SEC24A: variants seen among roughly 807,000 people sequenced by gnomAD.
SEC24A encodes protein transport protein Sec24A.
A neutral mutation model predicts 129.4 loss-of-function variants in SEC24A; 93 were observed. The observed-to-expected ratio is 0.72, with a 90% CI of 0.61 to 0.85. The LOEUF (loss-of-function observed/expected upper bound fraction) is 0.85, where lower values mean the gene tolerates loss of function less well. SEC24A is among the 40% of genes least tolerant of loss of function. SEC24A has a pLI of 0.00. For synonymous variants in SEC24A, 460 were observed against 467.3 expected (o/e 0.98, Z 0.20); for missense variants, 1,264 against 1,307.4 (o/e 0.97, Z 0.51).
chr5:134,667,597 T>G (rs1357647753), intron 3 of SEC24A, among the ~76,000 whole-genome samples: 1 of 137,146 alleles, frequency 7.3e-6, no homozygotes, highest in Non-Finnish European at 1.5e-5. Context: ...GAGCTTGCAG[T>G]GAGCCGAGAT....
chr5:134,720,775 C>T (rs986549608), intron 20 of SEC24A, among the ~76,000 whole-genome samples: 3 of 151,996 alleles, frequency 2.0e-5, no homozygotes, highest in Admixed American at 6.6e-5. Flanking sequence ...TGGTGGCACA[C>T]GCCTGTAGTC....
chr5:134,682,396 C>T lies in SEC24A; in HGVS notation c.1405C>T (p.Pro469Ser), dbSNP rs768312511. 1.3e-6 allele frequency: 2 copies of T among 1,598,384 alleles called. No individual in the cohort carries two copies. The highest frequency in any genetic ancestry group is 2.2e-5 in the South Asian group (2 of 90,270). Residue 469 changes from proline to serine, a missense_variant, in exon 9 of 23, where the codon CCT (proline) becomes TCT (serine). Pro to Ser is a moderately conservative substitution (Grantham distance 74). Coordinates refer to ENST00000398844, the MANE Select transcript of SEC24A (RefSeq NM_021982.3). ...NDVPEEFLYNPLTRVYGEPHR... is the reference protein window; with the variant it reads ...NDVPEEFLYNSLTRVYGEPHR... ...AGTTCCTGAAGAATTCTTGTACAAC[C>T]CTTTGACCAGAGTTTATGGAGAACC... is the stretch of plus-strand genomic sequence containing the variant.
chr5:134,717,533 A>G (rs1752512284), intron 19 of SEC24A, among the ~76,000 whole-genome samples: 1 of 152,118 alleles, frequency 6.6e-6, no homozygotes, highest in Non-Finnish European at 1.5e-5. Flanking sequence ...AAGAAAAAGG[A>G]AACAAGATCA....
chr5:134,656,370 G>A (rs1307622948), intron 1 of SEC24A, among the ~76,000 whole-genome samples: 1 of 150,734 alleles, frequency 6.6e-6, no homozygotes, highest in Non-Finnish European at 1.5e-5. Flanking sequence ...GAGCCACCGC[G>A]CCCAGCGCAG....
At chr5:134,680,897 G>A (rs1751242635) in intron 8 of SEC24A, among the ~76,000 whole-genome samples, 1 of 152,040 alleles carries the variant, frequency 6.6e-6, no homozygotes, top group Non-Finnish European at 1.5e-5. Context: ...TCAGGAGTTC[G>A]AGATCAGTGT....
intron 18 of SEC24A, 76 bp downstream of exon 18, chr5:134,708,964 G>T: frequency 7.0e-7 from 1 of 1,434,654 alleles, no homozygotes; most frequent in Non-Finnish European, 9.6e-7. Context: ...CCAGCACTTT[G>T]GGTGGCTGAC....
At chr5:134,653,707 A>AT (rs1474841347) in intron 1 of SEC24A, among the ~76,000 whole-genome samples, 1 of 151,774 alleles carries the variant, frequency 6.6e-6, no homozygotes, top group Non-Finnish European at 1.5e-5. Flanking sequence ...TCTACAAAGA[A>AT]TTTTTAAAAA....
At chr5:134,682,861 C>T (rs981646660) in intron 9 of SEC24A, among the ~76,000 whole-genome samples, 4 of 151,994 alleles carry the variant, frequency 2.6e-5, no homozygotes, top group African/African-American at 9.7e-5. Flanking sequence ...GCCGCTGTGC[C>T]CAGCCAAAAT....
At chr5:134,686,274 G>A (rs1443917445) in intron 9 of SEC24A, among the ~76,000 whole-genome samples, 4 of 148,098 alleles carry the variant, frequency 2.7e-5, no homozygotes, top group Admixed American at 6.8e-5. Context: ...TCACTTTGTC[G>A]CCCAGGCTAG....
rs920526399 is a variant in SEC24A, at chr5:134,669,637, G to A, written c.740-2172G>A. 4.1e-5 allele frequency among the ~76,000 whole-genome samples: 6 copies of A among 148,000 alleles called. No individual in the cohort carries two copies. The East Asian group carries it at 1.1e-3, about 27-fold the overall frequency. ...ACTACAGGCGCCTGCCACCACGCCC[G>A]GCTAATTTTTTTTGTATTTTTAGTA... On this transcript the variant is annotated intron_variant, in intron 3 of 22. Coordinates refer to ENST00000398844, the MANE Select transcript of SEC24A (RefSeq NM_021982.3).
intron 2 of SEC24A, among the ~76,000 whole-genome samples, chr5:134,663,029 A>G (rs1406548287): frequency 1.3e-5 from 2 of 152,002 alleles, no homozygotes; most frequent in East Asian, 1.9e-4. Context: ...AAAAAATGTT[A>G]TCTATATTAT....
intron 18 of SEC24A, among the ~76,000 whole-genome samples, chr5:134,712,261 T>G (rs959168261): frequency 5.3e-5 from 8 of 152,082 alleles, no homozygotes; most frequent in African/African-American, 1.7e-4. Context: ...ATTTCTTTTT[T>G]TTTTTGTGAG....
At position 134,678,056 on chromosome 5, in the gene SEC24A, T is replaced by C. The variant is rs564319505; in HGVS notation, c.1255-1546T>C. ...TATTTATTAGAGACCGGGTCTCTCG[T>C]TGTCACCCAGGTTAGAGTGCAGTTC... On this transcript the variant is annotated intron_variant, in intron 7 of 22. Transcript: ENST00000398844. Among the ~76,000 whole-genome samples, 5 of 152,194 alleles carry C rather than the reference T, an allele frequency of 3.3e-5. No individual in the cohort carries two copies. The South Asian group carries it at 8.3e-4, about 25-fold the overall frequency.
At chr5:134,702,223 C>T (rs1182391295) in intron 15 of SEC24A, among the ~76,000 whole-genome samples, 1 of 152,044 alleles carries the variant, frequency 6.6e-6, no homozygotes, top group Admixed American at 6.6e-5. Context: ...CTATGTTGCC[C>T]AGGCTTGCTT....
At chr5:134,678,606 A>T (rs553144279) in intron 7 of SEC24A, among the ~76,000 whole-genome samples, 7 of 151,382 alleles carry the variant, frequency 4.6e-5, no homozygotes, top group African/African-American at 1.7e-4. Flanking sequence ...TCCAAGATGG[A>T]GTCTTGCTCT....
At chr5:134,672,688 C>G (rs1223652216) in intron 4 of SEC24A, among the ~76,000 whole-genome samples, 1 of 151,688 alleles carries the variant, frequency 6.6e-6, no homozygotes, top group Non-Finnish European at 1.5e-5. Flanking sequence ...TTTCTTCTGT[C>G]AGAATTGGGA....
intron 17 of SEC24A, among the ~76,000 whole-genome samples, chr5:134,707,978 A>G (rs1184998296): frequency 6.6e-6 from 1 of 152,164 alleles, no homozygotes; most frequent in Non-Finnish European, 1.5e-5. Context: ...AAAACAAAAA[A>G]ATTAGTCAGG....
In SEC24A at chr5:134,697,145, C is replaced by G; in HGVS notation, c.2006C>G (p.Ser669Cys). ...SSAKDIHMTPSTDFYKKLALD... is the reference protein window; with the variant it reads ...SSAKDIHMTPCTDFYKKLALD... ...AAATAGGATATACACATGACACCATCCACTGACTTCTATAAGAAATTAGCC... is the reference window on the plus strand; with the variant it reads ...AAATAGGATATACACATGACACCATGCACTGACTTCTATAAGAAATTAGCC... The change falls in exon 14 of 23, where the codon TCC becomes TGC. Residue 669 changes from serine to cysteine, a missense_variant. Coordinates refer to ENST00000398844, the MANE Select transcript of SEC24A (RefSeq NM_021982.3). The G allele has an allele frequency of 1.3e-6, 2 of 1,540,152 alleles. No individual in the cohort carries two copies. The highest frequency in any genetic ancestry group is 4.5e-5 in the East Asian group (2 of 44,372).
chr5:134,698,630 G>GTTTTT (rs1212106367), intron 15 of SEC24A, among the ~76,000 whole-genome samples: 9 of 120,468 alleles, frequency 7.5e-5, no homozygotes, highest in East Asian at 2.5e-4. Context: ...ATAGAGTCTT[G>GTTTTT]TTTTTTTTTT....
Sources: allele counts gnomAD v4.1 joint callset (sites outside exome capture counted in the v4.1 genomes callset), GRCh38; gene constraint gnomAD v4.1.1; transcripts MANE v1.5; gene names NCBI Gene and HGNC (gene_info 2026-07-23, HGNC 2026-07-21).